Variants in GALNTL6 observed in about 807,000 individuals in gnomAD.
The protein encoded by GALNTL6 is polypeptide N-acetylgalactosaminyltransferase like 6.
GALNTL6 carries 46 observed loss-of-function variants against 73.7 expected under a neutral mutation model. That is an observed-to-expected ratio of 0.62 (90% confidence interval 0.49 to 0.80). The LOEUF (loss-of-function observed/expected upper bound fraction) is 0.80, where lower values mean the gene tolerates loss of function less well. Among genes scored for constraint, GALNTL6 ranks in the 30% least tolerant of loss-of-function variants. The pLI is 0.00. For missense variants in GALNTL6, 604 were observed against 755.0 expected, an observed-to-expected ratio of 0.80 and a Z score of 2.34; for synonymous variants, 259 against 263.7, an observed-to-expected ratio of 0.98 and a Z score of 0.17.
intron 11 of GALNTL6, among the ~76,000 whole-genome samples, chr4:173,015,144 C>T (rs1015467516): frequency 1.3e-5 from 2 of 152,210 alleles, no homozygotes; most frequent in Admixed American, 1.3e-4. Flanking sequence ...TTCCTGAGGC[C>T]TTCCCAGCCA....
intron 3 of GALNTL6, among the ~76,000 whole-genome samples, chr4:172,262,887 T>G (rs1185796800): frequency 6.6e-6 from 1 of 151,616 alleles, no homozygotes; most frequent in East Asian, 1.9e-4. Context: ...AAGTTTAGTT[T>G]GCTAGATACA....
intron 5 of GALNTL6, among the ~76,000 whole-genome samples, chr4:172,583,487 T>C (rs1001351398): frequency 6.6e-6 from 1 of 152,230 alleles, no homozygotes; most frequent in African/African-American, 2.4e-5. Flanking sequence ...CCATTTTAAA[T>C]TTTAATATCT....
At chr4:172,059,294 G>T (rs1440499801) in intron 2 of GALNTL6, among the ~76,000 whole-genome samples, 1 of 152,152 alleles carries the variant, frequency 6.6e-6, no homozygotes, top group African/African-American at 2.4e-5. Flanking sequence ...GCTTCTGGGA[G>T]CAGAGACACC....
chr4:172,696,328 A>C (rs1733692079), intron 5 of GALNTL6, among the ~76,000 whole-genome samples: 2 of 152,210 alleles, frequency 1.3e-5, no homozygotes, highest in South Asian at 4.1e-4. Flanking sequence ...CTGTTGTTTC[A>C]CATAATTTTA....
chr4:172,469,648 G>T (rs569975342), intron 5 of GALNTL6, among the ~76,000 whole-genome samples: 1 of 152,126 alleles, frequency 6.6e-6, no homozygotes, highest in Admixed American at 6.5e-5. Flanking sequence ...TAAGATAAAA[G>T]AAATGTTGGA....
intron 2 of GALNTL6, among the ~76,000 whole-genome samples, chr4:171,997,915 C>T (rs893301812): frequency 6.6e-6 from 1 of 152,042 alleles, no homozygotes; most frequent in African/African-American, 2.4e-5. Context: ...CATTAACTCC[C>T]ACAGGAGTAT....
intron 5 of GALNTL6, among the ~76,000 whole-genome samples, chr4:172,363,496 A>G (rs952931663): frequency 1.3e-5 from 2 of 152,230 alleles, no homozygotes; most frequent in African/African-American, 4.8e-5. Flanking sequence ...GAGAATGCAT[A>G]CAAAATGCTT....
intron 5 of GALNTL6, among the ~76,000 whole-genome samples, chr4:172,594,946 T>C (rs919349239): frequency 6.6e-6 from 1 of 152,106 alleles, no homozygotes; most frequent in African/African-American, 2.4e-5. Context: ...TTTTTAGAGG[T>C]TAAGAATAAG....
intron 5 of GALNTL6, among the ~76,000 whole-genome samples, chr4:172,495,039 C>A (rs1734023786): frequency 6.6e-6 from 1 of 152,188 alleles, no homozygotes; most frequent in African/African-American, 2.4e-5. Context: ...AGCTAGACAG[C>A]AAGGGAGTGA....
chr4:171,975,814 AT>A (rs113098099), intron 2 of GALNTL6, among the ~76,000 whole-genome samples: 5,419 of 152,290 alleles, frequency 0.036, 267 homozygotes, highest in African/African-American at 0.11. Context: ...TATCTCAAGT[AT>A]TTTTTGAAAA....
At chr4:172,140,560 T>G (rs952727543) in intron 2 of GALNTL6, among the ~76,000 whole-genome samples, 2 of 152,148 alleles carry the variant, frequency 1.3e-5, no homozygotes, top group Non-Finnish European at 2.9e-5. Flanking sequence ...ACAAGAACAT[T>G]GAACTGAAGA....
At chr4:172,318,530 G>A (rs765867299) in intron 4 of GALNTL6, among the ~76,000 whole-genome samples, 10 of 152,000 alleles carry the variant, frequency 6.6e-5, no homozygotes, top group South Asian at 4.1e-4. Flanking sequence ...GTGAAACCCC[G>A]TCTCTACTAA....
intron 7 of GALNTL6, among the ~76,000 whole-genome samples, chr4:172,814,786 A>G (rs79494550): frequency 1.0e-3 from 155 of 152,272 alleles, no homozygotes; most frequent in African/African-American, 3.4e-3. Flanking sequence ...TAGTCTTTAG[A>G]AAAATGAACT....
At position 172,824,887 on chromosome 4, in the gene GALNTL6, A is replaced by G. The variant is rs183760426; in HGVS notation, c.923+11164A>G. ...CATGAGCTTATATGTGACAGAAGTCATTAGTCTTTACTGTTTGCTGCTTGG... is the reference window on the plus strand; with the variant it reads ...CATGAGCTTATATGTGACAGAAGTCGTTAGTCTTTACTGTTTGCTGCTTGG... On this transcript the variant is annotated intron_variant, in intron 7 of 12. Coordinates refer to ENST00000506823, the MANE Select transcript of GALNTL6 (RefSeq NM_001034845.3). Among the ~76,000 whole-genome samples the G allele has an allele frequency of 1.2e-4, 19 of 152,324 alleles. No individual in the cohort carries two copies. In the East Asian group the frequency reaches 3.7e-3, roughly 29 times the overall value.
intron 2 of GALNTL6, among the ~76,000 whole-genome samples, chr4:172,121,508 T>C (rs771444954): frequency 1.9e-4 from 29 of 152,160 alleles, no homozygotes; most frequent in East Asian, 1.9e-4. Flanking sequence ...CCCACAAGCA[T>C]TGATGATCAA....
intron 2 of GALNTL6, among the ~76,000 whole-genome samples, chr4:172,066,129 T>C (rs1731356102): frequency 6.6e-6 from 1 of 152,166 alleles, no homozygotes; most frequent in South Asian, 2.1e-4. Flanking sequence ...TACATCAGGG[T>C]TCACTCTTGA....
chr4:172,224,263 T>C (rs1173637723), intron 2 of GALNTL6, among the ~76,000 whole-genome samples: 1 of 152,158 alleles, frequency 6.6e-6, no homozygotes, highest in African/African-American at 2.4e-5. Flanking sequence ...ATTACCCTAA[T>C]TTCATATGTG....
chr4:172,358,857 C>CAAAAAAAAAAAA (rs56119441), intron 5 of GALNTL6, among the ~76,000 whole-genome samples: 14 of 85,556 alleles, frequency 1.6e-4, no homozygotes, highest in African/African-American at 2.3e-4. Flanking sequence ...ATTAAAAAGT[C>CAAAAAAAAAAAA]AAAAAAAAAA....
chr4:171,889,011 C>T (rs1402308699), intron 2 of GALNTL6, among the ~76,000 whole-genome samples: 1 of 151,932 alleles, frequency 6.6e-6, no homozygotes, highest in Non-Finnish European at 1.5e-5. Context: ...CAAAGCCTTG[C>T]TACTTCATAT....
Sources: gnomAD v4.1 joint callset for allele counts (sites outside exome capture counted in the v4.1 genomes callset) on GRCh38, gnomAD v4.1.1 for gene constraint, MANE v1.5 for transcripts, NCBI Gene and HGNC (gene_info 2026-07-23, HGNC 2026-07-21) for gene names.